The following GOPC variants were observed in gnomAD, a reference collection of about 807,000 sequenced individuals.
The protein encoded by GOPC is golgi associated PDZ and coiled-coil motif containing, also known as Golgi-associated PDZ and coiled-coil motif-containing protein.
GOPC carries 32 observed loss-of-function variants against 51.2 expected under a neutral mutation model. That is an observed-to-expected ratio of 0.63 (90% CI 0.47 to 0.84). The LOEUF (loss-of-function observed/expected upper bound fraction) is 0.84. Ranked by LOEUF, GOPC falls within the 40% of genes least tolerant of loss-of-function variation. The pLI is 0.00. For missense variants in GOPC, 441 were observed against 555.5 expected, an observed-to-expected ratio of 0.79 and a Z score of 2.07; for synonymous variants, 190 against 205.1, an observed-to-expected ratio of 0.93 and a Z score of 0.63.
At chr6:117,574,742 G>A (rs1349692489) in intron 4 of GOPC, among the ~76,000 whole-genome samples, 2 of 152,186 alleles carry the variant, frequency 1.3e-5, no homozygotes, top group Non-Finnish European at 2.9e-5. Context: ...AAAACCAACT[G>A]TAAAATAATT....
chr6:117,578,564 T>C (rs1196418449), intron 2 of GOPC, among the ~76,000 whole-genome samples: 2 of 152,040 alleles, frequency 1.3e-5, no homozygotes, highest in Non-Finnish European at 2.9e-5. Context: ...ATCCCAATGT[T>C]ACTTGGGATT....
chr6:117,587,045 A>G (rs951518573), intron 1 of GOPC, among the ~76,000 whole-genome samples: 1 of 152,354 alleles, frequency 6.6e-6, no homozygotes, highest in South Asian at 2.1e-4. Context: ...AACAGAAAAT[A>G]TATTCAAAGG....
intron 1 of GOPC, among the ~76,000 whole-genome samples, chr6:117,599,099 A>G (rs1771942717): frequency 6.6e-6 from 1 of 152,108 alleles, no homozygotes; most frequent in Non-Finnish European, 1.5e-5. Context: ...TTTTGCAGCA[A>G]AATTTAATAT....
Position 117,562,844 on chromosome 6 carries a change from T to G in GOPC, c.*410A>C. The G allele has an allele frequency of 4.6e-6, 1 of 215,232 alleles. No individual in the cohort carries two copies. Among genetic ancestry groups the G allele is most frequent in the Middle Eastern group, 1.5e-3 (1 of 668 alleles). The allele number at this position is 215,232 out of a possible 1,614,324, so 13.3% of individuals were successfully genotyped here. On this transcript the variant is annotated 3_prime_UTR_variant, in exon 9 of 9. Coordinates refer to ENST00000368498, the MANE Select transcript of GOPC (RefSeq NM_020399.4). ...GTCTTCTGAAATACCACAGTTAACA[T>G]TCTAGAATATAAAATATGAATTCAC... is the stretch of plus-strand genomic sequence containing the variant.
At chr6:117,601,287 C>T (rs1772005775) in intron 1 of GOPC, among the ~76,000 whole-genome samples, 2 of 152,002 alleles carry the variant, frequency 1.3e-5, no homozygotes, top group Non-Finnish European at 2.9e-5. Flanking sequence ...CTCACCCACA[C>T]CCAGGATCAG....
chr6:117,575,262 G>C lies in GOPC; in HGVS notation c.565C>G (p.Leu189Val). 1 of 1,613,614 alleles carries C rather than the reference G, an allele frequency of 6.2e-7. No homozygotes were observed. Among genetic ancestry groups the C allele is most frequent in the Non-Finnish European group, 8.5e-7 (1 of 1,179,722 alleles). Residue 189 changes from leucine (L) to valine (V), a missense_variant, in exon 4 of 9, where the codon CTT (leucine) becomes GTT (valine). This residue lies in a region of GOPC where 204 missense variants were observed against 219.8 expected (regional missense o/e 0.93). Transcript: ENST00000368498. ...VKLLRKENEA[L>V]RRHIAVLQAE... is the part of the protein sequence containing the mutation. ...TGGAGAACAGCTATATGTCTACGAA[G>C]GGCTTCATTCTCTTTTCTCAACAAT...
At position 117,602,063 on chromosome 6, in the gene GOPC, A is replaced by T; in HGVS notation, c.226T>A (p.Cys76Ser). ...GRQKMTSLSS[C>S]FAQLCHKAQS... is the part of the protein sequence containing the mutation. The stretch of plus-strand genomic sequence containing the variant: ...GCTTTGTGGCAAAGCTGTGCAAAGC[A>T]GGAGCTCAGGCTGGTCATCTTCTGT... The change falls in exon 1 of 9, where the codon TGC (cysteine) becomes AGC (serine). Residue 76 changes from cysteine to serine, a missense_variant. Transcript: ENST00000368498. 1 of 1,614,180 alleles carries T rather than the reference A, an allele frequency of 6.2e-7. No homozygotes were observed. Among genetic ancestry groups the T allele is most frequent in the Admixed American group, 1.7e-5 (1 of 60,032 alleles).
At chr6:117,592,254 C>A (rs1006111626) in intron 1 of GOPC, among the ~76,000 whole-genome samples, 1 of 152,090 alleles carries the variant, frequency 6.6e-6, no homozygotes, top group African/African-American at 2.4e-5. Context: ...GCAATCCCAG[C>A]TGCTCAGGAG....
Position 117,578,771 on chromosome 6 carries a change from A to C in GOPC, c.450+129T>G, listed in dbSNP as rs1486543038. On this transcript the variant is annotated intron_variant, in intron 2 of 8. Coordinates refer to ENST00000368498, the MANE Select transcript of GOPC (RefSeq NM_020399.4). ...GATTATCATAATGATCATAAACTTTATATTTCTTATATTTTCTAAATTTCC... is the reference window on the plus strand; with the variant it reads ...GATTATCATAATGATCATAAACTTTCTATTTCTTATATTTTCTAAATTTCC... 8.0e-6 allele frequency: 4 copies of C among 498,408 alleles called. No homozygotes were observed. The East Asian group carries it at 1.0e-4, about 13-fold the overall frequency. The allele number at this position is 498,408 out of a possible 1,614,324, so 30.9% of individuals were successfully genotyped here.
At chr6:117,586,448 C>T (rs2062662) in intron 1 of GOPC, among the ~76,000 whole-genome samples, 35,828 of 143,782 alleles carry the variant, frequency 0.25, 4,797 homozygotes, top group East Asian at 0.34. Context: ...TGGAACTAAA[C>T]TTTTAAAAGA....
intron 1 of GOPC, 82 bp from the exon 2 acceptor site, chr6:117,579,146 C>G (rs1779924512): frequency 2.9e-6 from 3 of 1,052,592 alleles, no homozygotes; most frequent in African/African-American, 1.6e-5. Flanking sequence ...AGAATGACAA[C>G]AGAGAGACTA....
intron 1 of GOPC, among the ~76,000 whole-genome samples, chr6:117,589,598 G>A (rs149984860): frequency 0.024 from 3,657 of 152,160 alleles, 56 homozygotes; most frequent in Non-Finnish European, 0.037. Context: ...GGGATTACAG[G>A]CGTGAGCCAC....
chr6:117,573,340 T>G (rs1583054213), intron 5 of GOPC, 127 bp downstream of exon 5: 1 of 1,082,662 alleles, frequency 9.2e-7, no homozygotes. Context: ...TTGAATAAGT[T>G]GAATCCCATT....
Position 117,563,321 on chromosome 6 carries a change from G to A in GOPC, c.1322C>T (p.Thr441Ile). ...ENGDLGTASE[T>I]PLDDGASKLD... ...TTTTGAAGCACCGTCATCTAGCGGAGTTTCACTTGCAGTGCCCAGGTCTCC... is the reference window on the plus strand; with the variant it reads ...TTTTGAAGCACCGTCATCTAGCGGAATTTCACTTGCAGTGCCCAGGTCTCC... The change falls in exon 9 of 9, where the codon ACT becomes ATT. Residue 441 changes from threonine (T) to isoleucine (I), a missense_variant. Transcript: ENST00000368498. 4 of 1,613,120 alleles carry A rather than the reference G, an allele frequency of 2.5e-6. No individual in the cohort carries two copies. The highest frequency in any genetic ancestry group is 3.4e-6 in the Non-Finnish European group (4 of 1,179,228).
At chr6:117,573,378 A>C in intron 5 of GOPC, 89 bp downstream of exon 5, 1 of 1,408,384 alleles carries the variant, frequency 7.1e-7, no homozygotes, top group South Asian at 1.4e-5. Context: ...GTTTCAAACA[A>C]TACTAGAATA....
At chr6:117,577,316 C>T (rs1779897365) in intron 3 of GOPC, 132 bp downstream of exon 3, 2 of 774,744 alleles carry the variant, frequency 2.6e-6, no homozygotes, top group East Asian at 2.8e-5. Flanking sequence ...TTTTCAGGTA[C>T]TGGAACATTA....
Position 117,577,432 on chromosome 6 carries a change from G to C in GOPC, c.474+16C>G. 6.2e-7 allele frequency: 1 copy of C among 1,602,850 alleles called. No homozygotes were observed. Among genetic ancestry groups the C allele is most frequent in the Non-Finnish European group, 8.5e-7 (1 of 1,174,350 alleles). ...CAGCGTGACATATTAAAGCAAAACA[G>C]AAACAATATACTTACCAGCTCCTCC... On this transcript the variant is annotated intron_variant, in intron 3 of 8. Coordinates refer to ENST00000368498, the MANE Select transcript of GOPC (RefSeq NM_020399.4).
In GOPC at chr6:117,566,903, G is replaced by A; in HGVS notation, c.1209C>T (p.Asn403=). ...TTGTGTCTTTGCAACTAGCACCAGG[G>A]TTACCACCTCCTTCTAACTCATCAA... ...LYLDELEGGG[N]PGASCKDTSG... The change falls in exon 8 of 9, where the codon AAC becomes AAT. Residue 403 remains asparagine (N), a synonymous_variant. Transcript: ENST00000368498. 6.2e-7 allele frequency: 1 copy of A among 1,606,118 alleles called. No individual in the cohort carries two copies. The highest frequency in any genetic ancestry group is 8.5e-7 in the Non-Finnish European group (1 of 1,176,586).
intron 1 of GOPC, among the ~76,000 whole-genome samples, chr6:117,585,132 T>C (rs1281129690): frequency 6.6e-6 from 1 of 152,178 alleles, no homozygotes; most frequent in Non-Finnish European, 1.5e-5. Context: ...ATCAACTTAA[T>C]TCTAAGCCTC....
Sources: gnomAD v4.1 joint callset for allele counts (sites outside exome capture counted in the v4.1 genomes callset) on GRCh38, gnomAD v4.1.1 for gene constraint, gnomAD v4.1.1 regional missense constraint, MANE v1.5 for transcripts, NCBI Gene and HGNC (gene_info 2026-07-23, HGNC 2026-07-21) for gene names.